The following SAE1 variants were observed in gnomAD, a reference collection of about 807,000 sequenced individuals.
SAE1 encodes the protein SUMO1 activating enzyme subunit 1, also known as SUMO-activating enzyme subunit 1.
Under a neutral mutation model 40.6 loss-of-function variants are expected in SAE1, and 11 were observed. That is an observed-to-expected ratio of 0.27 (90% CI 0.17 to 0.45). The LOEUF is 0.45. Ranked by LOEUF, SAE1 falls within the 20% of genes least tolerant of loss-of-function variation. SAE1 has a pLI of 1.00. For synonymous variants in SAE1, 155 were observed against 154.3 expected, an observed-to-expected ratio of 1.00 and a Z score of -0.03; for missense variants, 373 against 427.3, an observed-to-expected ratio of 0.87 and a Z score of 1.12.
At chr19:47,136,525 C>T (rs538295246) in intron 1 of SAE1, among the ~76,000 whole-genome samples, 47 of 128,430 alleles carry the variant, frequency 3.7e-4, no homozygotes, top group Non-Finnish European at 6.4e-4. Flanking sequence ...GACGGAGTTT[C>T]GCTCTTGTTA....
chr19:47,143,869 G>A (rs1025805080), intron 2 of SAE1, among the ~76,000 whole-genome samples: 1 of 152,156 alleles, frequency 6.6e-6, no homozygotes, highest in East Asian at 1.9e-4. Flanking sequence ...ATCTCCCTTG[G>A]TGGTTGCTTG....
chr19:47,141,412 G>C (rs2058221339), intron 1 of SAE1, among the ~76,000 whole-genome samples: 1 of 152,164 alleles, frequency 6.6e-6, no homozygotes, highest in Admixed American at 6.6e-5. Flanking sequence ...AAAGTGCTGG[G>C]ATTACAGGCA....
chr19:47,155,248 T>A (rs1331754223), intron 5 of SAE1, 35 bp downstream of exon 5: 1 of 1,442,254 alleles, frequency 6.9e-7, no homozygotes, highest in Non-Finnish European at 9.8e-7. Context: ...TCAGAAACCC[T>A]GGGGCCTTGG....
chr19:47,207,784 G>A (rs146727723), intron 8 of SAE1, among the ~76,000 whole-genome samples: 2 of 151,900 alleles, frequency 1.3e-5, no homozygotes, highest in East Asian at 1.9e-4. Context: ...ATAAGCACAC[G>A]CCACCACATC....
chr19:47,168,691 C>G (rs551730046), intron 5 of SAE1, among the ~76,000 whole-genome samples: 1 of 152,128 alleles, frequency 6.6e-6, no homozygotes, highest in Admixed American at 6.6e-5. Context: ...CAACCTCCCC[C>G]CTCCTAGGTT....
chr19:47,200,968 C>T (rs2058650312), intron 7 of SAE1, among the ~76,000 whole-genome samples: 1 of 151,932 alleles, frequency 6.6e-6, no homozygotes, highest in Non-Finnish European at 1.5e-5. Context: ...AGTGAATCTC[C>T]TGCCTCAGCC....
chr19:47,145,905 A>C (rs1355079050), intron 2 of SAE1, among the ~76,000 whole-genome samples: 3 of 151,568 alleles, frequency 2.0e-5, no homozygotes. Context: ...GGTGATAGAA[A>C]GATGCTCACG....
At chr19:47,157,917 G>C (rs1359933175) in intron 5 of SAE1, among the ~76,000 whole-genome samples, 7 of 152,290 alleles carry the variant, frequency 4.6e-5, no homozygotes, top group African/African-American at 1.4e-4. Context: ...GCTGGACTGG[G>C]TTTTGGCCAT....
intron 1 of SAE1, among the ~76,000 whole-genome samples, chr19:47,134,007 C>T (rs1018386107): frequency 6.6e-5 from 10 of 151,714 alleles, no homozygotes; most frequent in African/African-American, 2.2e-4. Context: ...GGATTACAGG[C>T]GCCCGCCACC....
chr19:47,205,181 A>G (rs2058679138), intron 8 of SAE1, among the ~76,000 whole-genome samples: 1 of 152,102 alleles, frequency 6.6e-6, no homozygotes, highest in African/African-American at 2.4e-5. Flanking sequence ...TGGTTAAATG[A>G]TTGGCCATGT....
intron 5 of SAE1, among the ~76,000 whole-genome samples, chr19:47,165,933 A>G (rs1392634321): frequency 6.6e-6 from 1 of 152,080 alleles, no homozygotes; most frequent in Non-Finnish European, 1.5e-5. Context: ...CTGCATTCCA[A>G]CTTTCACATT....
intron 2 of SAE1, among the ~76,000 whole-genome samples, chr19:47,145,945 T>C (rs2058253543): frequency 6.6e-6 from 1 of 151,990 alleles, no homozygotes; most frequent in East Asian, 1.9e-4. Context: ...GGTTTTTTTT[T>C]TTTTTTTTTT....
At chr19:47,160,543 C>T (rs185816317) in intron 5 of SAE1, among the ~76,000 whole-genome samples, 2 of 151,774 alleles carry the variant, frequency 1.3e-5, no homozygotes, top group African/African-American at 4.8e-5. Flanking sequence ...TACAGATGCC[C>T]GCCGCCATGC....
At chr19:47,139,988 A>G (rs2058209433) in intron 1 of SAE1, among the ~76,000 whole-genome samples, 1 of 146,010 alleles carries the variant, frequency 6.8e-6, no homozygotes, top group African/African-American at 2.6e-5. Context: ...TCCAGGCTGA[A>G]GTGCAATGGT....
chr19:47,152,913 T>A lies in SAE1; in HGVS notation c.400T>A (p.Cys134Ser). 1 of 1,611,946 alleles carries A rather than the reference T, an allele frequency of 6.2e-7. No homozygotes were observed. The highest frequency in any genetic ancestry group is 8.5e-7 in the Non-Finnish European group (1 of 1,179,868). Residue 134 changes from cysteine (C) to serine (S), a missense_variant, in exon 4 of 9, where the codon TGC (cysteine) becomes AGC (serine). Cys to Ser is a moderately radical substitution (Grantham distance 112, BLOSUM62 -1). Coordinates refer to ENST00000270225, the MANE Select transcript of SAE1 (RefSeq NM_005500.3). Reference protein sequence around the residue: ...TQFDAVCLTCCSRDVIVKVDQ... With the variant: ...TQFDAVCLTCSSRDVIVKVDQ... ...CTTTCTGCAGGTGTGTCTGACTTGC[T>A]GCTCCAGGGATGTCATAGTTAAAGT... is the stretch of plus-strand genomic sequence containing the variant.
At chr19:47,131,207 G>C in intron 1 of SAE1, 179 bp downstream of exon 1, 7 of 1,372,714 alleles carry the variant, frequency 5.1e-6, no homozygotes, top group Non-Finnish European at 2.8e-6. Context: ...TTTCTGGAAG[G>C]TCTGGGAAGT....
rs181173457 is a variant in SAE1, at chr19:47,147,651, C to T, written c.211-2551C>T. 2.9e-3 allele frequency among the ~76,000 whole-genome samples: 440 copies of T among 151,634 alleles called. 2 individuals carry two copies. Among genetic ancestry groups the T allele is most frequent in the African/African-American group, 0.01 (423 of 41,378 alleles). On this transcript the variant is annotated intron_variant, in intron 2 of 8. Transcript: ENST00000270225. ...TATTTTTAGTAGAGATGGGGTTTCA[C>T]CATGTTGGCTAGGCTGGTCTCGAAC...
Position 47,186,259 on chromosome 19 carries a change from A to AT in SAE1, c.734-10974_734-10973insT, listed in dbSNP as rs201739841. Among the ~76,000 whole-genome samples the AT allele has an allele frequency of 3.8e-3, 577 of 151,974 alleles. 1 individual carries two copies. The highest frequency in any genetic ancestry group is 0.013 in the African/African-American group (532 of 41,474). ...TGTCTCAAAAATAAAAATAAAAAAA[A>AT]AATAATAAAAGCTCATTGGAGCATT... On this transcript the variant is annotated intron_variant, in intron 6 of 8. Transcript: ENST00000270225.
chr19:47,191,818 G>A (rs955038808), intron 6 of SAE1, among the ~76,000 whole-genome samples: 1 of 152,046 alleles, frequency 6.6e-6, no homozygotes, highest in African/African-American at 2.4e-5. Flanking sequence ...CACTTTGGGA[G>A]GCCAAGGCGG....
Sources: gnomAD v4.1 joint callset for allele counts (sites outside exome capture counted in the v4.1 genomes callset) on GRCh38, gnomAD v4.1.1 for gene constraint, MANE v1.5 for transcripts, NCBI Gene and HGNC (gene_info 2026-07-23, HGNC 2026-07-21) for gene names.